OSBPL6: variants seen among roughly 807,000 people sequenced by gnomAD.
The protein encoded by OSBPL6 is oxysterol-binding protein-related protein 6.
OSBPL6 carries 49 observed loss-of-function variants against 125.8 expected under a neutral mutation model. The observed-to-expected ratio is 0.39, with a 90% CI of 0.31 to 0.49. OSBPL6 has a LOEUF of 0.49. OSBPL6 is among the 20% of genes least tolerant of loss of function. The pLI is 0.88. For missense variants in OSBPL6, 986 were observed against 1,135.4 expected (o/e 0.87, Z 1.89); for synonymous variants, 394 against 391.8 (o/e 1.01, Z -0.07).
At position 178,379,300 on chromosome 2, in the gene OSBPL6, A is replaced by G. The variant is rs565948640; in HGVS notation, c.1534-3120A>G. On this transcript the variant is annotated intron_variant, in intron 15 of 24. Transcript: ENST00000190611. ...GAAAGAAAGAAAAGAAAGAAAGAAG[A>G]AAGAAAGAAACAGGAAGGAAGGAAG... 1.3e-3 allele frequency among the ~76,000 whole-genome samples: 185 copies of G among 137,670 alleles called. 2 individuals carry two copies. The highest frequency in any genetic ancestry group is 8.0e-4 in the South Asian group (3 of 3,766). The allele number at this position is 137,670 out of a possible 152,430, so 90.3% of individuals were successfully genotyped here. A position where few individuals can be genotyped will look rare whatever the true frequency, so the allele number is the denominator to read the frequency against.
At chr2:178,328,565 G>A (rs1688907781) in intron 5 of OSBPL6, among the ~76,000 whole-genome samples, 187 bp downstream of exon 5, 1 of 152,182 alleles carries the variant, frequency 6.6e-6, no homozygotes, top group Admixed American at 6.5e-5. Context: ...TCAGCTCACT[G>A]CAGCTTCCAC....
intron 3 of OSBPL6, among the ~76,000 whole-genome samples, chr2:178,307,254 C>T (rs1299622213): frequency 6.6e-6 from 1 of 152,148 alleles, no homozygotes; most frequent in Non-Finnish European, 1.5e-5. Context: ...GAGACAGCCA[C>T]TTCCAAAAAT....
chr2:178,298,589 A>G (rs1574795612), intron 2 of OSBPL6, among the ~76,000 whole-genome samples: 1 of 151,990 alleles, frequency 6.6e-6, no homozygotes, highest in East Asian at 1.9e-4. Flanking sequence ...ACATTCAGCT[A>G]ATGTTTTGTA....
intron 2 of OSBPL6, among the ~76,000 whole-genome samples, chr2:178,303,129 A>T (rs1483784827): frequency 6.6e-6 from 1 of 152,234 alleles, no homozygotes; most frequent in Non-Finnish European, 1.5e-5. Flanking sequence ...AGATTAGATG[A>T]TCATCTGTCA....
intron 15 of OSBPL6, among the ~76,000 whole-genome samples, chr2:178,377,303 A>G (rs1429506346): frequency 6.6e-6 from 1 of 152,230 alleles, no homozygotes; most frequent in African/African-American, 2.4e-5. Flanking sequence ...GGGAGTTGCT[A>G]CACACTTTTA....
rs12477381 is a variant in OSBPL6 at position 178,206,326 on chromosome 2, G to C, written c.-351+11652G>C. Among the ~76,000 whole-genome samples the C allele has an allele frequency of 7.6e-3, 1,154 of 152,348 alleles. 63 individuals are homozygous for C. Among genetic ancestry groups the C allele is most frequent in the Admixed American group, 0.066 (1,004 of 15,300 alleles). On this transcript the variant is annotated intron_variant, in intron 1 of 24. Transcript: ENST00000190611. ...TGTGTGGTTAGGGATTATGAGGCAT[G>C]ACATAGCAATGAGACTGAGTTCACA...
intron 1 of OSBPL6, among the ~76,000 whole-genome samples, chr2:178,214,451 G>A (rs928842952): frequency 6.6e-6 from 1 of 152,170 alleles, no homozygotes; most frequent in Non-Finnish European, 1.5e-5. Flanking sequence ...GGCTAGGCAA[G>A]TACAAAATCA....
rs367629694 is a variant in OSBPL6, at chr2:178,224,580, C to T, written c.-351+29906C>T. On this transcript the variant is annotated intron_variant, in intron 1 of 24. Transcript: ENST00000190611. ...AATGACACCATTCAGAATTATAGGA[C>T]GCATTTTTATTTGTTTCTTTCATGA... Among the ~76,000 whole-genome samples, 14 of 152,272 alleles carry T rather than the reference C, an allele frequency of 9.2e-5. No individual in the cohort carries two copies. In the East Asian group the frequency reaches 9.6e-4, roughly 10 times the overall value.
chr2:178,231,091 AGCTCTCTCTCTTGTGAGAGAAGG>A (rs1355839301), intron 1 of OSBPL6, among the ~76,000 whole-genome samples: 1 of 152,116 alleles, frequency 6.6e-6, no homozygotes, highest in Non-Finnish European at 1.5e-5. Context: ...AGAGGAGAGC[AGCTCTCTCTCTTGTGAGAGAAGG>A]GTGTCCAAAA....
intron 3 of OSBPL6, among the ~76,000 whole-genome samples, chr2:178,319,241 A>G (rs1244253728): frequency 6.6e-6 from 1 of 152,234 alleles, no homozygotes; most frequent in Non-Finnish European, 1.5e-5. Flanking sequence ...AAAATAAAAT[A>G]AAATTAGAAA....
intron 2 of OSBPL6, among the ~76,000 whole-genome samples, chr2:178,293,045 A>G (rs1685426968): frequency 6.6e-6 from 1 of 152,010 alleles, no homozygotes; most frequent in African/African-American, 2.4e-5. Context: ...AAAGTTTCAG[A>G]TGAAAATGTC....
intron 1 of OSBPL6, among the ~76,000 whole-genome samples, chr2:178,235,393 C>CTTTTTTT (rs1207796881): frequency 3.1e-5 from 2 of 64,530 alleles, no homozygotes; most frequent in African/African-American, 5.5e-5. Flanking sequence ...TTTTTCTTTT[C>CTTTTTTT]TTTTCTTTTT....
intron 1 of OSBPL6, among the ~76,000 whole-genome samples, chr2:178,213,879 G>A (rs1433433225): frequency 1.3e-5 from 2 of 152,050 alleles, no homozygotes; most frequent in East Asian, 1.9e-4. Context: ...CCTCTGCCTG[G>A]CTACTGCCTG....
At chr2:178,288,669 A>G (rs1219166745) in intron 2 of OSBPL6, among the ~76,000 whole-genome samples, 2 of 149,616 alleles carry the variant, frequency 1.3e-5, no homozygotes, top group Non-Finnish European at 3.0e-5. Flanking sequence ...ATTTTTTGAG[A>G]GGGAGTTTCG....
chr2:178,198,933 C>T (rs1364311073), intron 1 of OSBPL6, among the ~76,000 whole-genome samples: 1 of 152,172 alleles, frequency 6.6e-6, no homozygotes, highest in Non-Finnish European at 1.5e-5. Context: ...ATTAAGCATT[C>T]AAATAGAACA....
In OSBPL6 at chr2:178,383,013, CCTT is replaced by C. The variant is rs1220160085; in HGVS notation, c.1622-6_1622-4del. 1.2e-6 allele frequency: 2 copies of C among 1,613,850 alleles called. No individual in the cohort carries two copies. Among genetic ancestry groups the C allele is most frequent in the South Asian group, 1.1e-5 (1 of 91,042 alleles). ...GCAAAGTGTCCTTCACTGTGACTCTCCTTCTTCCAGTCCTGAATGGGGAGCTTA... is the reference window on the plus strand; with the variant it reads ...GCAAAGTGTCCTTCACTGTGACTCTCCTTCCAGTCCTGAATGGGGAGCTTA... On this transcript the variant is annotated splice_region_variant and splice_polypyrimidine_tract_variant and intron_variant, in intron 16 of 24. Transcript: ENST00000190611.
intron 2 of OSBPL6, among the ~76,000 whole-genome samples, chr2:178,288,636 AG>A (rs1684936542): frequency 6.6e-6 from 1 of 151,772 alleles, no homozygotes; most frequent in Non-Finnish European, 1.5e-5. Flanking sequence ...AGTAGGGAAA[AG>A]GGACTTTTTT....
intron 1 of OSBPL6, among the ~76,000 whole-genome samples, chr2:178,234,139 G>A (rs997952977): frequency 2.0e-5 from 3 of 152,108 alleles, no homozygotes; most frequent in African/African-American, 7.2e-5. Context: ...ATATATGTCT[G>A]AAGTCATATC....
chr2:178,263,409 C>T (rs188269430), intron 1 of OSBPL6, among the ~76,000 whole-genome samples: 4 of 152,236 alleles, frequency 2.6e-5, no homozygotes, highest in East Asian at 1.9e-4. Flanking sequence ...ACCTGGAAGG[C>T]GGAGGTTGCA....
Sources: allele counts gnomAD v4.1 joint callset (sites outside exome capture counted in the v4.1 genomes callset), GRCh38; gene constraint gnomAD v4.1.1; transcripts MANE v1.5; gene names NCBI Gene and HGNC (gene_info 2026-07-23, HGNC 2026-07-21).